LRPPRC: variants seen among roughly 807,000 people sequenced by gnomAD.
LRPPRC encodes the protein leucine-rich PPR motif-containing protein, mitochondrial.
A neutral mutation model predicts 180.3 loss-of-function variants in LRPPRC; 120 were observed. The ratio of observed to expected loss-of-function variants is 0.67; its 90% CI spans 0.57 to 0.77. LRPPRC has a LOEUF of 0.77. Ranked by LOEUF, LRPPRC falls within the 30% of genes least tolerant of loss-of-function variation. LRPPRC has a pLI of 0.00. For synonymous variants in LRPPRC, 723 were observed against 600.0 expected, an observed-to-expected ratio of 1.21 and a Z score of -3.00; for missense variants, 2,012 against 1,657.2, an observed-to-expected ratio of 1.21 and a Z score of -3.72.
intron 3 of LRPPRC, among the ~76,000 whole-genome samples, chr2:43,977,900 A>G (rs1027668639): frequency 6.6e-6 from 1 of 152,122 alleles, no homozygotes; most frequent in Non-Finnish European, 1.5e-5. Flanking sequence ...TTGTGGTAAC[A>G]TGTCTCACTA....
intron 27 of LRPPRC, among the ~76,000 whole-genome samples, chr2:43,918,788 TATAG>T (rs1223921700): frequency 1.9e-4 from 5 of 26,176 alleles, no homozygotes; most frequent in African/African-American, 4.2e-4. Flanking sequence ...TATATATATA[TATAG>T]ATATATATAT....
chr2:43,918,388 A>AC lies in LRPPRC; in HGVS notation c.2906dup (p.Asp970Ter), dbSNP rs750568618. ...AGACTGCATCAGCTCTTTGCCAGTC[A>AC]CCGTTTATTTCTGTAGAATTTGATT... On this transcript the variant is annotated frameshift_variant, in exon 28 of 38. Coordinates refer to ENST00000260665, the MANE Select transcript of LRPPRC (RefSeq NM_133259.4). LOFTEE classifies it high-confidence loss of function. The AC allele has an allele frequency of 1.2e-6, 2 of 1,609,078 alleles. No individual in the cohort carries two copies. The highest frequency in any genetic ancestry group is 2.7e-5 in the African/African-American group (2 of 74,818).
intron 31 of LRPPRC, among the ~76,000 whole-genome samples, chr2:43,905,400 G>A (rs893045109): frequency 6.6e-6 from 1 of 152,100 alleles, no homozygotes; most frequent in Non-Finnish European, 1.5e-5. Flanking sequence ...ACTTTCTCTC[G>A]TTCTGGAACA....
chr2:43,929,257 G>A (rs1208644277), intron 25 of LRPPRC, among the ~76,000 whole-genome samples: 1 of 152,118 alleles, frequency 6.6e-6, no homozygotes, highest in Non-Finnish European at 1.5e-5. Flanking sequence ...GTGTATGGAT[G>A]TCATGGTGTT....
At chr2:43,981,457 G>A (rs1182078315) in intron 2 of LRPPRC, among the ~76,000 whole-genome samples, 3 of 152,146 alleles carry the variant, frequency 2.0e-5, no homozygotes, top group South Asian at 4.2e-4. Flanking sequence ...TCAGGAGTTC[G>A]AGACCAGCCT....
At chr2:43,996,121 G>A (rs530558822), upstream of LRPPRC, 2 of 567,306 alleles carry the variant, frequency 3.5e-6, no homozygotes, top group South Asian at 2.1e-5. Flanking sequence ...GAGGACAGAA[G>A]ACCCAATGTA....
intron 27 of LRPPRC, among the ~76,000 whole-genome samples, chr2:43,922,626 G>A (rs142303941): frequency 0.011 from 1,719 of 152,272 alleles, 42 homozygotes; most frequent in African/African-American, 0.039. Context: ...AGGTGTGGTG[G>A]CGGGCGCCTG....
chr2:43,931,682 G>A (rs570499075), intron 25 of LRPPRC, among the ~76,000 whole-genome samples: 4 of 152,212 alleles, frequency 2.6e-5, no homozygotes, highest in Non-Finnish European at 4.4e-5. Flanking sequence ...TGTAAATGAC[G>A]GAGAGAGACC....
chr2:43,901,195 G>T, intron 32 of LRPPRC, 125 bp downstream of exon 32: 1 of 708,404 alleles, frequency 1.4e-6, no homozygotes, highest in Non-Finnish European at 2.5e-6. Context: ...TCAGCAACTA[G>T]CATCAACATT....
At position 43,886,582 on chromosome 2, in the gene LRPPRC, A is replaced by C. The variant is rs555767893; in HGVS notation, c.*2018T>G. 7 of 152,360 alleles carry C rather than the reference A, an allele frequency of 4.6e-5. No individual in the cohort carries two copies. The highest frequency in any genetic ancestry group is 3.9e-4 in the Admixed American group (6 of 15,306). The allele number at this position is 152,360 out of a possible 1,614,324, so 9.4% of individuals were successfully genotyped here. ...CCGCTGCTGCCGAGAGGGCTAGATA[A>C]GGGGGTCTTACCTATTTCCTCTGTA... On this transcript the variant is annotated 3_prime_UTR_variant, in exon 38 of 38. Transcript: ENST00000260665.
intron 2 of LRPPRC, among the ~76,000 whole-genome samples, chr2:43,981,442 C>G (rs1034928797): frequency 6.6e-6 from 1 of 152,028 alleles, no homozygotes; most frequent in Non-Finnish European, 1.5e-5. Context: ...GGGTGGATCA[C>G]GAGGTCAGGA....
intron 13 of LRPPRC, among the ~76,000 whole-genome samples, chr2:43,957,945 C>T (rs769392478): frequency 3.3e-5 from 5 of 152,194 alleles, no homozygotes; most frequent in Non-Finnish European, 5.9e-5. Flanking sequence ...TGCACTCACA[C>T]AAGAGTAACC....
intron 30 of LRPPRC, among the ~76,000 whole-genome samples, chr2:43,910,807 A>C (rs1002533416): frequency 6.6e-6 from 1 of 152,122 alleles, no homozygotes; most frequent in Non-Finnish European, 1.5e-5. Context: ...AAGAAACCCA[A>C]TGAAAATGAA....
chr2:43,975,189 T>C lies in LRPPRC; in HGVS notation c.766A>G (p.Thr256Ala), dbSNP rs1355083478. Reference protein sequence around the residue: ...GDMENAENILTVMRDAGIEPG... With the variant: ...GDMENAENILAVMRDAGIEPG... ...TCAATTCCGGCATCTCTCATCACTG[T>C]GAGAATGTTTTCTGCATTCTCCATA... Residue 256 changes from threonine to alanine, a missense_variant, in exon 7 of 38, where the codon ACA (threonine) becomes GCA (alanine). Thr to Ala is a moderately conservative substitution (Grantham distance 58, BLOSUM62 0). Coordinates refer to ENST00000260665, the MANE Select transcript of LRPPRC (RefSeq NM_133259.4). 6.2e-7 allele frequency: 1 copy of C among 1,613,280 alleles called. No homozygotes were observed. The highest frequency in any genetic ancestry group is 8.5e-7 in the Non-Finnish European group (1 of 1,179,612).
intron 25 of LRPPRC, among the ~76,000 whole-genome samples, chr2:43,933,977 A>C (rs765678712): frequency 2.6e-5 from 4 of 152,188 alleles, no homozygotes; most frequent in Non-Finnish European, 5.9e-5. Context: ...CAAAGTGAGG[A>C]AACAAATTTA....
At position 43,889,833 on chromosome 2, in the gene LRPPRC, A is replaced by T. The variant is rs1184988202; in HGVS notation, c.4029T>A (p.His1343Gln). ...DVTSAKALYE[H>Q]LTAKNTKLDD... The stretch of plus-strand genomic sequence containing the variant: ...CCAATTTTGTATTCTTTGCAGTCAA[A>T]TGTTCATACAGTGCTTTAGCAGATG... The change falls in exon 37 of 38, where the codon CAT becomes CAA. Residue 1343 changes from histidine (H) to glutamine (Q), a missense_variant. Physicochemically the swap from His to Gln is conservative, Grantham distance 24. Coordinates refer to ENST00000260665, the MANE Select transcript of LRPPRC (RefSeq NM_133259.4). The T allele has an allele frequency of 6.2e-7, 1 of 1,609,840 alleles. No individual in the cohort carries two copies. The highest frequency in any genetic ancestry group is 1.7e-5 in the Admixed American group (1 of 60,018).
chr2:43,920,603 GCT>G (rs1237122364), intron 27 of LRPPRC, among the ~76,000 whole-genome samples: 1 of 151,504 alleles, frequency 6.6e-6, no homozygotes, highest in African/African-American at 2.4e-5. Flanking sequence ...AACTAATTAC[GCT>G]TTTTCTTCAT....
chr2:43,951,232 G>A (rs545297342), intron 14 of LRPPRC, among the ~76,000 whole-genome samples: 12 of 152,340 alleles, frequency 7.9e-5, no homozygotes, highest in Admixed American at 3.3e-4. Flanking sequence ...GGGATAACTT[G>A]AAGCTGTAAC....
At chr2:43,889,646 A>C in intron 37 of LRPPRC, 88 bp downstream of exon 37, 4 of 1,087,030 alleles carry the variant, frequency 3.7e-6, no homozygotes, top group Non-Finnish European at 5.7e-6. Context: ...TCATGTAATT[A>C]AGTCTTCAAC....
Sources: gnomAD v4.1 joint callset for allele counts (sites outside exome capture counted in the v4.1 genomes callset) on GRCh38, gnomAD v4.1.1 for gene constraint, MANE v1.5 for transcripts, NCBI Gene and HGNC (gene_info 2026-07-23, HGNC 2026-07-21) for gene names.